OR4K17: variants seen among roughly 807,000 people sequenced by gnomAD.
OR4K17 encodes olfactory receptor 4K17.
For synonymous variants in OR4K17, 157 were observed against 132.8 expected (o/e 1.18, Z -1.25); for missense variants, 480 against 366.3 (o/e 1.31, Z -2.53).
At chr14:20,115,101 T>C (rs1200085801) in intron 1 of OR4K17, among the ~76,000 whole-genome samples, 1 of 152,112 alleles carries the variant, frequency 6.6e-6, no homozygotes, top group Non-Finnish European at 1.5e-5. Context: ...TGAATGACTG[T>C]AAGAACTTGG....
At chr14:20,113,716 C>T (rs978104521) in intron 1 of OR4K17, among the ~76,000 whole-genome samples, 1 of 151,950 alleles carries the variant, frequency 6.6e-6, no homozygotes, top group East Asian at 1.9e-4. Flanking sequence ...TTCCAGCCAA[C>T]CCTGCTTGGA....
In OR4K17 at chr14:20,121,861, A is replaced by G. The variant is rs2139061432; in HGVS notation, c.*3423A>G. The G allele has an allele frequency of 6.6e-6, 1 of 152,198 alleles. No homozygotes were observed. The highest frequency in any genetic ancestry group is 1.5e-5 in the Non-Finnish European group (1 of 67,962). The allele number at this position is 152,198 out of a possible 1,614,324, so 9.4% of individuals were successfully genotyped here. A position where few individuals can be genotyped will look rare whatever the true frequency, so the allele number is the denominator to read the frequency against. On this transcript the variant is annotated 3_prime_UTR_variant, in exon 2 of 2. Coordinates refer to ENST00000641386, the MANE Select transcript of OR4K17 (RefSeq NM_001004715.5). ...CACAGATCAAAACTATCAAAAATAA[A>G]TAAATAAATAACAGCACAACAATAA...
In OR4K17 at chr14:20,121,438, A is replaced by G. The variant is rs1958728; in HGVS notation, c.*3000A>G. Reference sequence around the variant, plus strand: ...AAATTCCAGAAATTTGTTTAAAAATAAATAACATAAAAATATGTAAATTGT... The same window carrying G: ...AAATTCCAGAAATTTGTTTAAAAATGAATAACATAAAAATATGTAAATTGT... On this transcript the variant is annotated 3_prime_UTR_variant, in exon 2 of 2. Coordinates refer to ENST00000641386, the MANE Select transcript of OR4K17 (RefSeq NM_001004715.5). The G allele has an allele frequency of 1.3e-5, 2 of 152,222 alleles. No homozygotes were observed. The highest frequency in any genetic ancestry group is 4.8e-5 in the African/African-American group (2 of 41,470). 9.4% of individuals were successfully genotyped at this position (152,222 alleles called of 1,614,324 possible). A position where few individuals can be genotyped will look rare whatever the true frequency, so the allele number is the denominator to read the frequency against.
rs540392848 is a variant in OR4K17, at chr14:20,120,387, C to T, written c.*1949C>T. On this transcript the variant is annotated 3_prime_UTR_variant, in exon 2 of 2. Transcript: ENST00000641386. ...TTAATATTATAAAATCTCACTTTCA[C>T]CTCCTTGTCCCCATGTATTTCAATT... The T allele has an allele frequency of 5.9e-5, 9 of 152,234 alleles. No individual in the cohort carries two copies. The highest frequency in any genetic ancestry group is 1.9e-4 in the African/African-American group (8 of 41,526). The allele number at this position is 152,234 out of a possible 1,614,324, so 9.4% of individuals were successfully genotyped here.
In OR4K17 at chr14:20,118,126, C is replaced by T; in HGVS notation, c.627C>T (p.Ser209=). 6.2e-7 allele frequency: 1 copy of T among 1,613,974 alleles called. No homozygotes were observed. Among genetic ancestry groups the T allele is most frequent in the Admixed American group, 1.7e-5 (1 of 60,008 alleles). The change falls in exon 2 of 2, where the codon AGC becomes AGT. Residue 209 remains serine (S), a synonymous_variant. Coordinates refer to ENST00000641386, the MANE Select transcript of OR4K17 (RefSeq NM_001004715.5). Reference sequence around the variant, plus strand: ...CCAACAGTGGCATAATCTCCCTGAGCTGTTTCATTATTTTGCTTATCTCCT... The same window carrying T: ...CCAACAGTGGCATAATCTCCCTGAGTTGTTTCATTATTTTGCTTATCTCCT... ...IVANSGIISL[S]CFIILLISYS... is the part of the protein sequence containing the mutation.
chr14:20,116,515 G>A (rs1159783536), intron 1 of OR4K17, among the ~76,000 whole-genome samples: 1 of 152,148 alleles, frequency 6.6e-6, no homozygotes, highest in Non-Finnish European at 1.5e-5. Context: ...TGTGAATGGA[G>A]TTCTAGTGAA....
chr14:20,118,397 A>C lies in OR4K17; in HGVS notation c.898A>C (p.Lys300Gln). 2 of 1,607,202 alleles carry C rather than the reference A, an allele frequency of 1.2e-6. No individual in the cohort carries two copies. Among genetic ancestry groups the C allele is most frequent in the Non-Finnish European group, 1.7e-6 (2 of 1,176,260 alleles). ...RNKEMKISMK[K>Q]LWRAFVNSRE... ...CAAAGAAATGAAGATATCCATGAAA[A>C]AACTCTGGAGAGCTTTTGTGAATTC... The change falls in exon 2 of 2, where the codon AAA (lysine) becomes CAA (glutamine). Residue 300 changes from lysine to glutamine, a missense_variant. By Grantham distance (53) the Lys-to-Gln change is moderately conservative (BLOSUM62 1). Coordinates refer to ENST00000641386, the MANE Select transcript of OR4K17 (RefSeq NM_001004715.5).
chr14:20,111,725 A>AG (rs961162360), intron 1 of OR4K17, among the ~76,000 whole-genome samples: 36 of 152,172 alleles, frequency 2.4e-4, no homozygotes, highest in Middle Eastern at 6.8e-3. Context: ...TGAATAAAGA[A>AG]GAGCTTAGAA....
rs894032860 is a variant in OR4K17, at chr14:20,118,771, A to T, written c.*333A>T. On this transcript the variant is annotated 3_prime_UTR_variant, in exon 2 of 2. Coordinates refer to ENST00000641386, the MANE Select transcript of OR4K17 (RefSeq NM_001004715.5). ...ATCACATGCATCACAAGGCAATAAA[A>T]TATCACAAGGCAAATGGGGACAGAG... 5.4e-6 allele frequency: 1 copy of T among 185,450 alleles called. No individual in the cohort carries two copies. The highest frequency in any genetic ancestry group is 1.1e-5 in the Non-Finnish European group (1 of 89,388). 11.5% of individuals were successfully genotyped at this position (185,450 alleles called of 1,614,324 possible). A position where few individuals can be genotyped will look rare whatever the true frequency, so the allele number is the denominator to read the frequency against.
rs1032120428 is a variant in OR4K17 at position 20,121,284 on chromosome 14, A to G, written c.*2846A>G. The G allele has an allele frequency of 6.6e-6, 1 of 152,180 alleles. No homozygotes were observed. The allele number at this position is 152,180 out of a possible 1,614,324, so 9.4% of individuals were successfully genotyped here. A position where few individuals can be genotyped will look rare whatever the true frequency, so the allele number is the denominator to read the frequency against. ...GAGACCTATGAACTCCCAGACAAAGACTTCACAATAATTGTCTTAAGGAAG... is the reference window on the plus strand; with the variant it reads ...GAGACCTATGAACTCCCAGACAAAGGCTTCACAATAATTGTCTTAAGGAAG... On this transcript the variant is annotated 3_prime_UTR_variant, in exon 2 of 2. Coordinates refer to ENST00000641386, the MANE Select transcript of OR4K17 (RefSeq NM_001004715.5).
At chr14:20,116,831 C>T (rs902477210) in intron 1 of OR4K17, among the ~76,000 whole-genome samples, 5 of 151,976 alleles carry the variant, frequency 3.3e-5, no homozygotes, top group Admixed American at 6.6e-5. Context: ...GTAGCAGTCA[C>T]ATCAGAAAAA....
rs1311596870 is a variant in OR4K17 at position 20,118,170 on chromosome 14, C to T, written c.671C>T (p.Thr224Ile). ...ATCTCCTACAGTCTGATCCTCATAA[C>T]CATTAAGAACCACTCTCCTACTGGG... ...LLISYSLILITIKNHSPTGQS... is the reference protein window; with the variant it reads ...LLISYSLILIIIKNHSPTGQS... Residue 224 changes from threonine to isoleucine, a missense_variant, in exon 2 of 2, where the codon ACC (threonine) becomes ATC (isoleucine). Physicochemically the swap from Thr to Ile is moderately conservative, Grantham distance 89 (BLOSUM62 -1). Transcript: ENST00000641386. The T allele has an allele frequency of 2.5e-6, 4 of 1,614,146 alleles. No individual in the cohort carries two copies. The South Asian group carries it at 3.3e-5, about 13-fold the overall frequency.
chr14:20,111,706 AG>A (rs1320720192), intron 1 of OR4K17, among the ~76,000 whole-genome samples: 3 of 152,056 alleles, frequency 2.0e-5, no homozygotes, highest in Admixed American at 1.3e-4. Context: ...TCTTGCTAAA[AG>A]GCTGAGATGA....
At chr14:20,117,370 G>A in intron 1 of OR4K17, 98 bp from the exon 2 acceptor site, 1 of 1,429,644 alleles carries the variant, frequency 7.0e-7, no homozygotes, top group Non-Finnish European at 9.5e-7. Flanking sequence ...TCCGTTTATT[G>A]AAAGATCCAA....
rs1594195563 is a variant in OR4K17, at chr14:20,117,406, T to C, written c.-32-62T>C. ...AGGAATGCATAAGTTTGGTTTTTCA[T>C]ATGGCTCTTTATTTTTCACTCATAC... On this transcript the variant is annotated intron_variant, in intron 1 of 1. Coordinates refer to ENST00000641386, the MANE Select transcript of OR4K17 (RefSeq NM_001004715.5). The C allele has an allele frequency of 2.5e-6, 4 of 1,575,326 alleles. No homozygotes were observed. In the African/African-American group the frequency reaches 4.1e-5, roughly 16 times the overall value.
chr14:20,118,409 G>C lies in OR4K17; in HGVS notation c.910G>C (p.Ala304Pro), dbSNP rs370405778. The C allele has an allele frequency of 1.9e-6, 3 of 1,602,996 alleles. No homozygotes were observed. In the East Asian group the frequency reaches 6.7e-5, roughly 36 times the overall value. The stretch of plus-strand genomic sequence containing the variant: ...GATATCCATGAAAAAACTCTGGAGA[G>C]CTTTTGTGAATTCTAGAGAAGATAC... ...MKISMKKLWR[A>P]FVNSREDT Residue 304 changes from alanine to proline, a missense_variant, in exon 2 of 2, where the codon GCT (alanine) becomes CCT (proline). Coordinates refer to ENST00000641386, the MANE Select transcript of OR4K17 (RefSeq NM_001004715.5).
chr14:20,117,417 AT>A, intron 1 of OR4K17, 50 bp from the exon 2 acceptor site: 1 of 1,582,220 alleles, frequency 6.3e-7, no homozygotes, highest in East Asian at 2.2e-5. Context: ...ATGGCTCTTT[AT>A]TTTTCACTCA....
Position 20,120,855 on chromosome 14 carries a change from A to G in OR4K17, c.*2417A>G, listed in dbSNP as rs924935733. 1 of 152,272 alleles carries G rather than the reference A, an allele frequency of 6.6e-6. No individual in the cohort carries two copies. The highest frequency in any genetic ancestry group is 6.5e-5 in the Admixed American group (1 of 15,280). The allele number at this position is 152,272 out of a possible 1,614,324, so 9.4% of individuals were successfully genotyped here. Reference sequence around the variant, plus strand: ...GCCAAGAGGGATTCCTCCAGCCACAACATCCCCAGTGGGAGAAAAAGAGAT... The same window carrying G: ...GCCAAGAGGGATTCCTCCAGCCACAGCATCCCCAGTGGGAGAAAAAGAGAT... On this transcript the variant is annotated 3_prime_UTR_variant, in exon 2 of 2. Coordinates refer to ENST00000641386, the MANE Select transcript of OR4K17 (RefSeq NM_001004715.5).
intron 1 of OR4K17, among the ~76,000 whole-genome samples, chr14:20,112,594 C>A (rs1002210232): frequency 6.6e-6 from 1 of 152,010 alleles, no homozygotes; most frequent in African/African-American, 2.4e-5. Context: ...GCCACAGTAC[C>A]CAGACTGGCA....
Sources: allele counts gnomAD v4.1 joint callset (sites outside exome capture counted in the v4.1 genomes callset), GRCh38; gene constraint gnomAD v4.1.1; transcripts MANE v1.5; gene names NCBI Gene and HGNC (gene_info 2026-07-23, HGNC 2026-07-21).